The following USH2A variants were observed in gnomAD, a reference collection of about 807,000 sequenced individuals.
USH2A encodes the protein Usher syndrome 2A (autosomal recessive, mild).
In USH2A, 443 loss-of-function variants were observed where a neutral mutation model predicts 538.9. The observed-to-expected ratio is 0.82, with a 90% CI of 0.76 to 0.89. USH2A has a LOEUF of 0.89. USH2A is among the 40% of genes least tolerant of loss of function. The pLI is 0.00. For synonymous variants in USH2A, 2,413 were observed against 2,273.5 expected (o/e 1.06, Z -1.75); for missense variants, 6,633 against 6,324.8 (o/e 1.05, Z -1.65).
intron 55 of USH2A, among the ~76,000 whole-genome samples, chr1:215,773,811 T>G (rs1457103287): frequency 6.6e-6 from 1 of 152,148 alleles, no homozygotes; most frequent in Non-Finnish European, 1.5e-5. Flanking sequence ...CTGTGATGGA[T>G]AGAGCCATAT....
rs148841142 is a variant in USH2A at position 216,046,634 on chromosome 1, T to G, written c.6164-42A>C. 1.5e-3 allele frequency: 2,417 copies of G among 1,611,672 alleles called. 29 individuals carry two copies. In the African/African-American group the frequency reaches 0.028, roughly 19 times the overall value. On this transcript the variant is annotated intron_variant, in intron 31 of 71. Transcript: ENST00000307340. ...TTATAGAGTCTAATTTTAGTTTACT[T>G]TTCTAATTCAAACTTTTCAGACCCA...
chr1:215,636,807 C>T (rs952545514), intron 69 of USH2A, among the ~76,000 whole-genome samples: 6 of 152,186 alleles, frequency 3.9e-5, no homozygotes, highest in East Asian at 1.9e-4. Context: ...TTAGAACTGA[C>T]GATGGATATT....
intron 49 of USH2A, among the ~76,000 whole-genome samples, chr1:215,809,069 T>C (rs1302871536): frequency 1.3e-5 from 2 of 152,164 alleles, no homozygotes; most frequent in Non-Finnish European, 2.9e-5. Context: ...ATGATGATGC[T>C]ACCAGAGACC....
intron 16 of USH2A, among the ~76,000 whole-genome samples, chr1:216,201,018 T>TCCCTCTCTCCCC (rs2034985657): frequency 9.8e-6 from 1 of 101,536 alleles, no homozygotes; most frequent in African/African-American, 4.5e-5. Context: ...CCTCCCTTCC[T>TCCCTCTCTCCCC]TCCTTCCTTC....
At chr1:215,750,234 A>C (rs1660583745) in intron 58 of USH2A, among the ~76,000 whole-genome samples, 1 of 151,988 alleles carries the variant, frequency 6.6e-6, no homozygotes, top group Admixed American at 6.6e-5. Flanking sequence ...TTTTTGGGGG[A>C]ACAGAAGTAA....
In USH2A at chr1:215,629,035, C is replaced by T. The variant is rs1185215728; in HGVS notation, c.15298G>A (p.Gly5100Arg). The T allele has an allele frequency of 6.2e-7, 1 of 1,612,634 alleles. No homozygotes were observed. Among genetic ancestry groups the T allele is most frequent in the Admixed American group, 1.7e-5 (1 of 60,012 alleles). The change falls in exon 71 of 72, where the codon GGG (glycine) becomes AGG (arginine). Residue 5100 changes from glycine to arginine, a missense_variant and splice_region_variant. By Grantham distance (125) the Gly-to-Arg change is moderately radical. Coordinates refer to ENST00000307340, the MANE Select transcript of USH2A (RefSeq NM_206933.4). ...CGGGGAATTTTGGTATCGGCTAACCCCTGAGAAGGAAGTTGCTGTGAGTAT... is the reference window on the plus strand; with the variant it reads ...CGGGGAATTTTGGTATCGGCTAACCTCTGAGAAGGAAGTTGCTGTGAGTAT... ...NVYPPGENHM[G>R]LADTKIPRSG...
chr1:216,096,979 A>T, intron 22 of USH2A, 104 bp downstream of exon 22: 1 of 1,211,496 alleles, frequency 8.3e-7, no homozygotes, highest in Non-Finnish European at 1.2e-6. Flanking sequence ...TACTTACCTT[A>T]CAAGGTTTGA....
chr1:216,231,922 A>C (rs765630488), intron 14 of USH2A, 31 bp downstream of exon 14: 17 of 1,613,276 alleles, frequency 1.1e-5, no homozygotes, highest in African/African-American at 2.7e-5. Context: ...CTAAAGAAAG[A>C]GTTAAATTAT....
intron 61 of USH2A, among the ~76,000 whole-genome samples, chr1:215,717,964 CATCCAGAA>C (rs760888109): frequency 6.6e-6 from 1 of 152,088 alleles, no homozygotes; most frequent in Non-Finnish European, 1.5e-5. Context: ...AAGTACGTGG[CATCCAGAA>C]ATTCTAATTT....
intron 38 of USH2A, among the ~76,000 whole-genome samples, chr1:215,934,275 T>C (rs1666436051): frequency 6.6e-6 from 1 of 152,020 alleles, no homozygotes; most frequent in African/African-American, 2.4e-5. Flanking sequence ...AATATAAATT[T>C]TGGCTTTAAG....
chr1:215,639,359 G>A (rs757603147), intron 68 of USH2A, 121 bp from the exon 69 acceptor site: 142 of 905,186 alleles, frequency 1.6e-4, no homozygotes, highest in South Asian at 3.6e-4. Context: ...AAGTTATGAC[G>A]TTTTATATAA....
intron 9 of USH2A, among the ~76,000 whole-genome samples, chr1:216,300,839 C>T (rs116007659): frequency 0.054 from 8,127 of 150,890 alleles, 299 homozygotes; most frequent in Middle Eastern, 0.1. Flanking sequence ...ACCTCCACCA[C>T]CCACGTTCAA....
intron 61 of USH2A, 90 bp downstream of exon 61, chr1:215,727,940 T>G: frequency 6.9e-7 from 1 of 1,444,612 alleles, no homozygotes. Context: ...AAGCCCTAAG[T>G]GAAGAAAAAT....
At chr1:216,264,204 T>A (rs187292301) in intron 11 of USH2A, among the ~76,000 whole-genome samples, 1 of 152,108 alleles carries the variant, frequency 6.6e-6, no homozygotes, top group Admixed American at 6.5e-5. Flanking sequence ...AGATTCAATA[T>A]GATTCCTATC....
chr1:216,133,238 T>G (rs2033413279), intron 21 of USH2A, among the ~76,000 whole-genome samples: 1 of 152,156 alleles, frequency 6.6e-6, no homozygotes, highest in Non-Finnish European at 1.5e-5. Context: ...CTAAATATAT[T>G]TGAACATTTT....
chr1:215,795,209 C>T (rs10864199), intron 50 of USH2A, among the ~76,000 whole-genome samples: 27,516 of 152,108 alleles, frequency 0.18, 2,707 homozygotes, highest in Admixed American at 0.21. Flanking sequence ...CCAAAGCACA[C>T]GCTATTATTT....
chr1:215,792,370 C>T (rs1383946647), intron 50 of USH2A, among the ~76,000 whole-genome samples: 2 of 152,114 alleles, frequency 1.3e-5, no homozygotes, highest in African/African-American at 4.8e-5. Context: ...AAGTGACTCC[C>T]TTTTTAGATT....
intron 48 of USH2A, among the ~76,000 whole-genome samples, chr1:215,816,450 G>A (rs1347010995): frequency 6.6e-6 from 1 of 151,972 alleles, no homozygotes; most frequent in Non-Finnish European, 1.5e-5. Flanking sequence ...AATGTGTGAT[G>A]CTGTTGTTGC....
chr1:216,414,204 T>TA (rs774289085), intron 3 of USH2A, among the ~76,000 whole-genome samples: 66 of 152,154 alleles, frequency 4.3e-4, no homozygotes, highest in South Asian at 2.9e-3. Flanking sequence ...AGTTTTAGTA[T>TA]AAAAAATGAC....
Sources: allele counts gnomAD v4.1 joint callset (sites outside exome capture counted in the v4.1 genomes callset), GRCh38; gene constraint gnomAD v4.1.1; transcripts MANE v1.5; gene names NCBI Gene and HGNC (gene_info 2026-07-23, HGNC 2026-07-21).